Variants in PDZD2 observed in about 807,000 individuals in gnomAD.
PDZD2 encodes PDZ domain-containing protein 2.
Under a neutral mutation model 220.7 loss-of-function variants are expected in PDZD2, and 90 were observed. The ratio of observed to expected loss-of-function variants is 0.41; its 90% CI spans 0.34 to 0.49. PDZD2 has a LOEUF of 0.49. Among genes scored for constraint, PDZD2 ranks in the 20% least tolerant of loss-of-function variants. The pLI is 0.28. For synonymous variants in PDZD2, 1,375 were observed against 1,450.5 expected, an observed-to-expected ratio of 0.95 and a Z score of 1.18; for missense variants, 3,174 against 3,608.5, an observed-to-expected ratio of 0.88 and a Z score of 3.08.
intron 2 of PDZD2, among the ~76,000 whole-genome samples, chr5:31,929,054 A>G (rs1022639512): frequency 6.6e-6 from 1 of 152,206 alleles, no homozygotes; most frequent in African/African-American, 2.4e-5. Context: ...AATAAGTACC[A>G]GAAACAAACT....
chr5:31,920,741 T>C (rs1744175643), intron 2 of PDZD2, among the ~76,000 whole-genome samples: 1 of 152,252 alleles, frequency 6.6e-6, no homozygotes, highest in South Asian at 2.1e-4. Flanking sequence ...ACAGAGAAGT[T>C]TCACTGCCCT....
chr5:32,045,173 G>A (rs1180132540), intron 7 of PDZD2, among the ~76,000 whole-genome samples: 1 of 152,124 alleles, frequency 6.6e-6, no homozygotes, highest in Non-Finnish European at 1.5e-5. Flanking sequence ...AGATTAATCT[G>A]GTCCTGAGTT....
intron 22 of PDZD2, among the ~76,000 whole-genome samples, chr5:32,097,613 C>A (rs546982846): frequency 1.3e-5 from 2 of 152,232 alleles, no homozygotes; most frequent in Non-Finnish European, 2.9e-5. Flanking sequence ...CCTATAAACA[C>A]AATTCGCTAT....
intron 2 of PDZD2, among the ~76,000 whole-genome samples, chr5:31,857,628 C>T (rs1222472817): frequency 6.6e-6 from 1 of 152,078 alleles, no homozygotes; most frequent in Non-Finnish European, 1.5e-5. Flanking sequence ...ATGGATATCC[C>T]CTCCTGAAAG....
chr5:31,843,824 AC>A (rs1757450966), intron 2 of PDZD2: 2 of 152,196 alleles, frequency 1.3e-5, no homozygotes, highest in African/African-American at 4.8e-5. Context: ...CCACATGTAA[AC>A]AACGTGGCTT....
chr5:32,101,014 G>T, intron 23 of PDZD2, 91 bp from the exon 24 acceptor site: 1 of 1,591,606 alleles, frequency 6.3e-7, no homozygotes. Flanking sequence ...AGAAGTACAT[G>T]GGGCTGGAGG....
At chr5:31,748,877 T>G (rs569288831) in intron 1 of PDZD2, among the ~76,000 whole-genome samples, 18 of 152,324 alleles carry the variant, frequency 1.2e-4, no homozygotes, top group African/African-American at 4.3e-4. Flanking sequence ...GGGCTGGGCT[T>G]GTTGCACCTG....
chr5:31,908,909 G>A (rs1250440025), intron 2 of PDZD2: 1 of 399,712 alleles, frequency 2.5e-6, no homozygotes, highest in African/African-American at 2.1e-5. Context: ...AGCTGGCTGT[G>A]GTTGGTGCAC....
chr5:31,856,916 A>G (rs1580908413), intron 2 of PDZD2, among the ~76,000 whole-genome samples: 1 of 86,350 alleles, frequency 1.2e-5, no homozygotes, highest in South Asian at 3.4e-4. Flanking sequence ...AACTATATAT[A>G]TATATATATA....
intron 19 of PDZD2, among the ~76,000 whole-genome samples, chr5:32,081,100 G>T (rs977015418): frequency 6.6e-6 from 1 of 151,910 alleles, no homozygotes; most frequent in Non-Finnish European, 1.5e-5. Context: ...AATACCGCGG[G>T]TTTGTACCTT....
At chr5:31,724,700 C>T (rs142235672) in intron 1 of PDZD2, among the ~76,000 whole-genome samples, 180 of 151,534 alleles carry the variant, frequency 1.2e-3, no homozygotes, top group African/African-American at 3.9e-3. Context: ...AACAAATCCA[C>T]GCTGCATCAT....
At chr5:31,804,011 C>T (rs1159371272) in intron 2 of PDZD2, among the ~76,000 whole-genome samples, 1 of 150,498 alleles carries the variant, frequency 6.6e-6, no homozygotes, top group Admixed American at 6.6e-5. Flanking sequence ...CCACTGTACT[C>T]TAGCCTGGGC....
chr5:31,996,104 C>T (rs887756480), intron 4 of PDZD2, among the ~76,000 whole-genome samples: 4 of 152,100 alleles, frequency 2.6e-5, no homozygotes, highest in Non-Finnish European at 2.9e-5. Context: ...TGACGAATGA[C>T]CCGGGAAAGT....
intron 15 of PDZD2, 103 bp downstream of exon 15, chr5:32,069,753 C>G: frequency 1.5e-6 from 1 of 671,394 alleles, no homozygotes; most frequent in Non-Finnish European, 2.7e-6. Flanking sequence ...TGGTAATTAT[C>G]AGGTTTGGCA....
At chr5:31,661,430 G>A (rs1745758788) in intron 1 of PDZD2, 1 of 152,216 alleles carries the variant, frequency 6.6e-6, no homozygotes, top group Non-Finnish European at 1.5e-5. Context: ...GGAGGAATCA[G>A]CTTGGGACAG....
At chr5:31,942,028 A>T (rs1404845764) in intron 2 of PDZD2, among the ~76,000 whole-genome samples, 1 of 152,220 alleles carries the variant, frequency 6.6e-6, no homozygotes, top group East Asian at 1.9e-4. Flanking sequence ...TGAAGCCAGG[A>T]TCTCAAACCT....
At chr5:31,943,431 T>C (rs960202106) in intron 2 of PDZD2, among the ~76,000 whole-genome samples, 4 of 152,130 alleles carry the variant, frequency 2.6e-5, no homozygotes, top group African/African-American at 9.7e-5. Context: ...TAAATCCACA[T>C]TGGTATGGTA....
intron 2 of PDZD2, among the ~76,000 whole-genome samples, chr5:31,918,039 C>T (rs1272702340): frequency 6.6e-6 from 1 of 152,132 alleles, no homozygotes; most frequent in Admixed American, 6.5e-5. Context: ...ACAGTCATGG[C>T]AGAAGGTGAA....
chr5:31,889,777 T>A lies in PDZD2; in HGVS notation c.476+90053T>A, dbSNP rs78223237. On this transcript the variant is annotated intron_variant, in intron 2 of 24. Coordinates refer to ENST00000438447, the MANE Select transcript of PDZD2 (RefSeq NM_178140.4). ...CTCACGCTTGTAATCCCAATACTTC[T>A]GGGAGGCTGAGGTGGGCAGATCTTT... Among the ~76,000 whole-genome samples, 439 of 152,176 alleles carry A rather than the reference T, an allele frequency of 2.9e-3. 1 individual carries two copies. Among genetic ancestry groups the A allele is most frequent in the African/African-American group, 0.01 (431 of 41,528 alleles).
Sources: gnomAD v4.1 joint callset for allele counts (sites outside exome capture counted in the v4.1 genomes callset) on GRCh38, gnomAD v4.1.1 for gene constraint, MANE v1.5 for transcripts, NCBI Gene and HGNC (gene_info 2026-07-23, HGNC 2026-07-21) for gene names.